AKAP11: variants seen among roughly 807,000 people sequenced by gnomAD.
AKAP11 encodes A-kinase anchoring protein 11.
AKAP11 carries 36 observed loss-of-function variants against 146.1 expected under a neutral mutation model. The ratio of observed to expected loss-of-function variants is 0.25; its 90% CI spans 0.19 to 0.33. The LOEUF (loss-of-function observed/expected upper bound fraction) is 0.33. Ranked by LOEUF, AKAP11 falls within the 10% of genes least tolerant of loss-of-function variation. AKAP11 has a pLI of 1.00. For missense variants in AKAP11, 2,201 were observed against 2,197.0 expected (o/e 1.00, Z -0.04); for synonymous variants, 780 against 786.5 (o/e 0.99, Z 0.14).
intron 8 of AKAP11, 29 bp downstream of exon 8, chr13:42,303,892 A>C: frequency 6.5e-7 from 1 of 1,531,338 alleles, no homozygotes; most frequent in Non-Finnish European, 8.7e-7. Context: ...TTGGTTGTTA[A>C]TGATAAATTA....
Position 42,314,889 on chromosome 13 carries a change from G to C in AKAP11, c.5404+949G>C, listed in dbSNP as rs183065780. Among the ~76,000 whole-genome samples the C allele has an allele frequency of 1.2e-4, 18 of 151,882 alleles. No homozygotes were observed. The East Asian group carries it at 2.3e-3, about 20-fold the overall frequency. ...AGTTTGTAATCCTTAATTCATGTTAGAGTATCTGAGTTTATTCATCTGAGT... is the reference window on the plus strand; with the variant it reads ...AGTTTGTAATCCTTAATTCATGTTACAGTATCTGAGTTTATTCATCTGAGT... On this transcript the variant is annotated intron_variant, in intron 11 of 12. Coordinates refer to ENST00000025301, the MANE Select transcript of AKAP11 (RefSeq NM_016248.4).
At chr13:42,275,233 T>C (rs1338516943) in intron 1 of AKAP11, among the ~76,000 whole-genome samples, 1 of 152,212 alleles carries the variant, frequency 6.6e-6, no homozygotes, top group Middle Eastern at 3.2e-3. Flanking sequence ...GGCCTTCTCT[T>C]TAAAGCTCTT....
At position 42,317,531 on chromosome 13, in the gene AKAP11, T is replaced by C. The variant is rs1463286956; in HGVS notation, c.5408T>C (p.Leu1803Ser). The change falls in exon 12 of 13, where the codon TTG (leucine) becomes TCG (serine). Residue 1803 changes from leucine (L) to serine (S), a missense_variant. Leu to Ser is a moderately radical substitution (Grantham distance 145, BLOSUM62 -2). Around this residue, in one of 3 missense-constraint regions of AKAP11, gnomAD observed 1,867 missense variants for 1,833.5 expected, o/e 1.02. Coordinates refer to ENST00000025301, the MANE Select transcript of AKAP11 (RefSeq NM_016248.4). Reference protein sequence around the residue: ...DEEHEDEVEGLGQDGKTLLIT... With the variant: ...DEEHEDEVEGSGQDGKTLLIT... ...ATTGTTTACATTTAAATATTAGGTT[T>C]GGGGCAAGATGGAAAGACACTGCTA... 6 of 1,612,226 alleles carry C rather than the reference T, an allele frequency of 3.7e-6. No homozygotes were observed. Among genetic ancestry groups the C allele is most frequent in the Non-Finnish European group, 5.1e-6 (6 of 1,179,466 alleles).
At chr13:42,294,234 C>A (rs1189281469) in intron 4 of AKAP11, among the ~76,000 whole-genome samples, 1 of 152,090 alleles carries the variant, frequency 6.6e-6, no homozygotes, top group Non-Finnish European at 1.5e-5. Context: ...ATTAATATTG[C>A]CGTCATTTAA....
chr13:42,282,806 GC>G (rs1158774779), intron 1 of AKAP11, among the ~76,000 whole-genome samples: 1 of 152,072 alleles, frequency 6.6e-6, no homozygotes, highest in Non-Finnish European at 1.5e-5. Flanking sequence ...TCTCTCATCT[GC>G]TTTTTTCCAA....
intron 12 of AKAP11, among the ~76,000 whole-genome samples, 164 bp downstream of exon 12, chr13:42,317,852 CAGAGG>C (rs1170459643): frequency 6.6e-6 from 1 of 152,146 alleles, no homozygotes; most frequent in Non-Finnish European, 1.5e-5. Context: ...GCAGTATAAC[CAGAGG>C]CAGGTTCACC....
rs770587043 is a variant in AKAP11, at chr13:42,313,004, A to G, written c.5274-43A>G. On this transcript the variant is annotated intron_variant, in intron 9 of 12. Transcript: ENST00000025301. ...CGAGGAAACAAAGGTCTTTTCTACTATTCATTTTCTAGTTCAGCTCTGTTC... is the reference window on the plus strand; with the variant it reads ...CGAGGAAACAAAGGTCTTTTCTACTGTTCATTTTCTAGTTCAGCTCTGTTC... 14 of 1,531,802 alleles carry G rather than the reference A, an allele frequency of 9.1e-6. No homozygotes were observed. The East Asian group carries it at 2.9e-4, about 32-fold the overall frequency. The allele number at this position is 1,531,802 out of a possible 1,614,324, so 94.9% of individuals were successfully genotyped here. A position where few individuals can be genotyped will look rare whatever the true frequency, so the allele number is the denominator to read the frequency against.
intron 1 of AKAP11, among the ~76,000 whole-genome samples, chr13:42,273,138 C>T (rs1013688104): frequency 6.6e-5 from 10 of 152,172 alleles, no homozygotes; most frequent in Admixed American, 3.3e-4. Context: ...GCTTTTCAAT[C>T]GCTTGCAAAA....
intron 9 of AKAP11, 59 bp from the exon 10 acceptor site, chr13:42,312,988 A>G (rs1356256342): frequency 7.0e-7 from 1 of 1,433,776 alleles, no homozygotes; most frequent in African/African-American, 1.4e-5. Flanking sequence ...CCGAGGAAAC[A>G]AAGGTCTTTT....
rs2138734329 is a variant in AKAP11 at position 42,319,546 on chromosome 13, A to G, written c.*318A>G. 1 of 209,206 alleles carries G rather than the reference A, an allele frequency of 4.8e-6. No homozygotes were observed. Among genetic ancestry groups the G allele is most frequent in the Non-Finnish European group, 9.4e-6 (1 of 106,264 alleles). The allele number at this position is 209,206 out of a possible 1,614,324, so 13.0% of individuals were successfully genotyped here. On this transcript the variant is annotated 3_prime_UTR_variant, in exon 13 of 13. Transcript: ENST00000025301. ...TCTGACCACATTCTTTTTGTATCCA[A>G]ATAGTGCTGCTAGAAACTGCACTGA...
chr13:42,293,514 T>G (rs1184836766), intron 4 of AKAP11, among the ~76,000 whole-genome samples: 1 of 152,236 alleles, frequency 6.6e-6, no homozygotes, highest in Non-Finnish European at 1.5e-5. Context: ...TTATTTTCTT[T>G]GCTAACCTTT....
intron 3 of AKAP11, among the ~76,000 whole-genome samples, chr13:42,286,838 C>T (rs981695667): frequency 6.6e-6 from 1 of 152,122 alleles, no homozygotes; most frequent in Non-Finnish European, 1.5e-5. Context: ...AAGGAGGAAC[C>T]TCCTCACTTC....
chr13:42,271,793 T>G (rs993826050), upstream of AKAP11, among the ~76,000 whole-genome samples: 3 of 151,802 alleles, frequency 2.0e-5, no homozygotes, highest in Non-Finnish European at 2.9e-5. Flanking sequence ...AATTTAAAGC[T>G]CCCAAGGCTG....
chr13:42,289,615 C>T (rs548025297), intron 3 of AKAP11, among the ~76,000 whole-genome samples: 1 of 152,022 alleles, frequency 6.6e-6, no homozygotes, highest in African/African-American at 2.4e-5. Context: ...ACAGGATGAC[C>T]TAATTTCACC....
At position 42,306,861 on chromosome 13, in the gene AKAP11, T is replaced by G. The variant is rs544440052; in HGVS notation, c.5118-1593T>G. Among the ~76,000 whole-genome samples the G allele has an allele frequency of 4.6e-5, 7 of 152,250 alleles. No individual in the cohort carries two copies. In the South Asian group the frequency reaches 1.5e-3, roughly 32 times the overall value. On this transcript the variant is annotated intron_variant, in intron 8 of 12. Transcript: ENST00000025301. Reference sequence around the variant, plus strand: ...TTTATTCATTTTTGTTTGTTGTTGTTTGTTTGTAGAGATGAGATCTCACTA... The same window carrying G: ...TTTATTCATTTTTGTTTGTTGTTGTGTGTTTGTAGAGATGAGATCTCACTA...
intron 5 of AKAP11, among the ~76,000 whole-genome samples, chr13:42,296,841 A>C (rs1449331927): frequency 6.6e-6 from 1 of 151,964 alleles, no homozygotes; most frequent in Non-Finnish European, 1.5e-5. Context: ...GGCTACGGGG[A>C]TAGCCAGTAT....
chr13:42,314,070 A>G, intron 11 of AKAP11, 130 bp downstream of exon 11: 1 of 870,888 alleles, frequency 1.1e-6, no homozygotes, highest in Non-Finnish European at 1.7e-6. Context: ...GGTATTCTTG[A>G]ACTAATTTTG....
intron 1 of AKAP11, among the ~76,000 whole-genome samples, chr13:42,276,227 T>C (rs1958913804): frequency 6.6e-6 from 1 of 152,104 alleles, no homozygotes; most frequent in Non-Finnish European, 1.5e-5. Flanking sequence ...TTTAGTTCTT[T>C]TTTTGGGTAT....
At chr13:42,271,523 C>G (rs1023392632), upstream of AKAP11, among the ~76,000 whole-genome samples, 1 of 152,180 alleles carries the variant, frequency 6.6e-6, no homozygotes, top group Admixed American at 6.5e-5. Flanking sequence ...CTTGGGCCTT[C>G]GGATCTGGTG....
Sources: gnomAD v4.1 joint callset for allele counts (sites outside exome capture counted in the v4.1 genomes callset) on GRCh38, gnomAD v4.1.1 for gene constraint, gnomAD v4.1.1 regional missense constraint, MANE v1.5 for transcripts, NCBI Gene and HGNC (gene_info 2026-07-23, HGNC 2026-07-21) for gene names.